The following KIAA1671 variants were observed in gnomAD, a reference collection of about 807,000 sequenced individuals.
The protein encoded by KIAA1671 is uncharacterized protein KIAA1671.
A neutral mutation model predicts 131.2 loss-of-function variants in KIAA1671; 52 were observed. That is an observed-to-expected ratio of 0.40 (90% confidence interval 0.32 to 0.50). The LOEUF (loss-of-function observed/expected upper bound fraction) is 0.50. Ranked by LOEUF, KIAA1671 falls within the 20% of genes least tolerant of loss-of-function variation. KIAA1671 has a pLI of 0.73. For missense variants in KIAA1671, 2,360 were observed against 2,364.2 expected, an observed-to-expected ratio of 1.00 and a Z score of 0.04; for synonymous variants, 1,003 against 961.6, an observed-to-expected ratio of 1.04 and a Z score of -0.80.
intron 6 of KIAA1671, among the ~76,000 whole-genome samples, chr22:25,111,437 G>C (rs1040315984): frequency 6.6e-6 from 1 of 152,200 alleles, no homozygotes; most frequent in African/African-American, 2.4e-5. Flanking sequence ...CCGCCTCCCC[G>C]AGGCCCCTCC....
chr22:25,188,888 C>T (rs1934566581), intron 11 of KIAA1671, among the ~76,000 whole-genome samples: 1 of 152,014 alleles, frequency 6.6e-6, no homozygotes, highest in Non-Finnish European at 1.5e-5. Context: ...CCAAGTGGAC[C>T]CACACAGTTC....
intron 4 of KIAA1671, among the ~76,000 whole-genome samples, chr22:25,036,516 A>G (rs1233666726): frequency 3.3e-5 from 5 of 152,210 alleles, no homozygotes; most frequent in Admixed American, 6.5e-5. Flanking sequence ...TCTAATATAT[A>G]TATAAATAAT....
At chr22:24,993,221 C>T (rs1923940576) in intron 1 of KIAA1671, among the ~76,000 whole-genome samples, 2 of 152,132 alleles carry the variant, frequency 1.3e-5, no homozygotes, top group Admixed American at 6.6e-5. Context: ...ACTCCACCCT[C>T]TCCCACTCAG....
chr22:25,007,863 G>C (rs914493791), intron 1 of KIAA1671, among the ~76,000 whole-genome samples: 10 of 152,034 alleles, frequency 6.6e-5, no homozygotes, highest in Admixed American at 2.0e-4. Context: ...TCTGCAAGGA[G>C]CTGTACCTCT....
At chr22:24,961,809 G>C (rs1922034233) in intron 1 of KIAA1671, among the ~76,000 whole-genome samples, 1 of 152,238 alleles carries the variant, frequency 6.6e-6, no homozygotes, top group South Asian at 2.1e-4. Context: ...TTTCTGATGG[G>C]GTAGGACGGG....
At chr22:24,969,002 C>T (rs1457678288) in intron 1 of KIAA1671, among the ~76,000 whole-genome samples, 1 of 152,078 alleles carries the variant, frequency 6.6e-6, no homozygotes, top group Non-Finnish European at 1.5e-5. Context: ...CAGGCTCAGG[C>T]GATTCTCCCA....
In KIAA1671 at chr22:25,068,655, C is replaced by T. The variant is rs571440290; in HGVS notation, c.4530+19291C>T. On this transcript the variant is annotated intron_variant, in intron 6 of 12. Transcript: ENST00000358431. Reference sequence around the variant, plus strand: ...GTTTCACCGTGTTAGCCAGGATGGTCTCGATCTCCTGACCTCATGATCTGC... The same window carrying T: ...GTTTCACCGTGTTAGCCAGGATGGTTTCGATCTCCTGACCTCATGATCTGC... Among the ~76,000 whole-genome samples, 4 of 152,336 alleles carry T rather than the reference C, an allele frequency of 2.6e-5. No homozygotes were observed. The East Asian group carries it at 5.8e-4, about 22-fold the overall frequency.
intron 3 of KIAA1671, among the ~76,000 whole-genome samples, chr22:25,030,514 A>G (rs1294482882): frequency 3.9e-5 from 6 of 152,084 alleles, no homozygotes; most frequent in Admixed American, 1.3e-4. Context: ...CAGCCTGGAC[A>G]ACAGAGCAAG....
At chr22:25,073,764 T>G (rs1192311627) in intron 6 of KIAA1671, among the ~76,000 whole-genome samples, 1 of 152,230 alleles carries the variant, frequency 6.6e-6, no homozygotes, top group Non-Finnish European at 1.5e-5. Context: ...TGGCATGATC[T>G]TGGCTCACTG....
At chr22:25,018,991 T>C (rs943040295) in intron 1 of KIAA1671, among the ~76,000 whole-genome samples, 5 of 152,086 alleles carry the variant, frequency 3.3e-5, no homozygotes. Flanking sequence ...CCATTTTATA[T>C]TCACAACACC....
At position 25,133,115 on chromosome 22, in the gene KIAA1671, A is replaced by G. The variant is rs974684582; in HGVS notation, c.4531-37705A>G. Among the ~76,000 whole-genome samples, 15 of 152,118 alleles carry G rather than the reference A, an allele frequency of 9.9e-5. No individual in the cohort carries two copies. The East Asian group carries it at 2.7e-3, about 27-fold the overall frequency. On this transcript the variant is annotated intron_variant, in intron 6 of 12. Coordinates refer to ENST00000358431, the MANE Select transcript of KIAA1671 (RefSeq NM_001145206.2). ...ATATTTAAGAATCACTTGGTTAAAC[A>G]ATGTTTTTAATGCAGGACTTTTCAG...
intron 4 of KIAA1671, among the ~76,000 whole-genome samples, chr22:25,037,412 G>GTATATATGTATATATGTGTA (rs1926675201): frequency 2.6e-5 from 4 of 151,152 alleles, no homozygotes; most frequent in Non-Finnish European, 5.9e-5. Context: ...ATATATGTGT[G>GTATATATGTATATATGTGTA]TATATATATG....
At chr22:25,190,619 G>T in intron 11 of KIAA1671, 83 bp from the exon 12 acceptor site, 1 of 1,189,138 alleles carries the variant, frequency 8.4e-7, no homozygotes, top group South Asian at 1.3e-5. Flanking sequence ...CCCAGGGATA[G>T]ACAGTCGGAT....
rs1724144760 is a variant in KIAA1671 at position 25,028,188 on chromosome 22, GC to G, written c.191del (p.Pro64GlnfsTer14). On this transcript the variant is annotated frameshift_variant, in exon 3 of 13. Coordinates refer to ENST00000358431, the MANE Select transcript of KIAA1671 (RefSeq NM_001145206.2). LOFTEE classifies it high-confidence loss of function. ...LRSPARLLPL[P>X]RLAPKPFSKE... ...GGAGCCCGGCCCGGTTACTCCCTCT[GC>G]CAAGGCTCGCCCCCAAACCCTTCTC... 1.3e-6 allele frequency: 2 copies of G among 1,549,906 alleles called. No individual in the cohort carries two copies. The highest frequency in any genetic ancestry group is 1.7e-6 in the Non-Finnish European group (2 of 1,145,748).
intron 6 of KIAA1671, among the ~76,000 whole-genome samples, chr22:25,128,580 G>A (rs116289430): frequency 1.9e-3 from 287 of 152,246 alleles, no homozygotes; most frequent in African/African-American, 6.4e-3. Context: ...AGAACTCAAT[G>A]GTCAGTCCTT....
intron 6 of KIAA1671, among the ~76,000 whole-genome samples, chr22:25,145,638 A>G (rs1221222828): frequency 6.6e-6 from 1 of 152,144 alleles, no homozygotes; most frequent in Non-Finnish European, 1.5e-5. Context: ...AAGTCACTCA[A>G]TGGAAAACCC....
chr22:24,990,093 ATTTTTTT>A, intron 1 of KIAA1671, among the ~76,000 whole-genome samples: 1 of 151,078 alleles, frequency 6.6e-6, no homozygotes, highest in East Asian at 1.9e-4. Context: ...TTTATTTTTT[ATTTTTTT>A]ATTTTTTTAG....
chr22:25,120,761 A>G (rs142515994), intron 6 of KIAA1671, among the ~76,000 whole-genome samples: 2 of 152,236 alleles, frequency 1.3e-5, no homozygotes, highest in East Asian at 1.9e-4. Flanking sequence ...TTCTCTTTAT[A>G]TCCTTTAAAA....
chr22:24,953,064 A>G (rs1018533650), intron 1 of KIAA1671, among the ~76,000 whole-genome samples: 2 of 152,040 alleles, frequency 1.3e-5, no homozygotes, highest in African/African-American at 4.8e-5. Context: ...CAACCAATGG[A>G]TCACGTGCCA....
Sources: allele counts gnomAD v4.1 joint callset (sites outside exome capture counted in the v4.1 genomes callset), GRCh38; gene constraint gnomAD v4.1.1; transcripts MANE v1.5; gene names NCBI Gene and HGNC (gene_info 2026-07-23, HGNC 2026-07-21).